Variants in SLC36A4 observed in about 807,000 individuals in gnomAD.
SLC36A4 encodes solute carrier family 36 member 4, also known as neutral amino acid uniporter 4.
In SLC36A4, 49 loss-of-function variants were observed where a neutral mutation model predicts 50.5. The observed-to-expected ratio is 0.97, with a 90% CI of 0.77 to 1.23. The LOEUF is 1.23. SLC36A4 is among the 50% of genes most tolerant of loss of function. SLC36A4 has a pLI of 0.00. For missense variants in SLC36A4, 611 were observed against 608.4 expected, an observed-to-expected ratio of 1.00 and a Z score of -0.05; for synonymous variants, 207 against 206.5, an observed-to-expected ratio of 1.00 and a Z score of -0.02.
chr11:93,193,758 C>G (rs1862307429), intron 1 of SLC36A4, among the ~76,000 whole-genome samples: 1 of 152,108 alleles, frequency 6.6e-6, no homozygotes, highest in African/African-American at 2.4e-5. Context: ...AAGTTGTAGA[C>G]AGAATGTTCT....
intron 9 of SLC36A4, among the ~76,000 whole-genome samples, chr11:93,157,965 G>A (rs1860441494): frequency 6.6e-6 from 1 of 152,136 alleles, no homozygotes; most frequent in Non-Finnish European, 1.5e-5. Context: ...CTATGGCCAA[G>A]CAAGAAGAGA....
intron 3 of SLC36A4, among the ~76,000 whole-genome samples, chr11:93,183,759 G>A (rs889928542): frequency 3.3e-5 from 5 of 151,254 alleles, no homozygotes; most frequent in Non-Finnish European, 4.4e-5. Flanking sequence ...GTGCAGTGGC[G>A]CAATCTCAGC....
At chr11:93,155,660 G>T (rs534203975) in intron 9 of SLC36A4, among the ~76,000 whole-genome samples, 86 of 152,132 alleles carry the variant, frequency 5.7e-4, no homozygotes, top group Non-Finnish European at 9.6e-4. Flanking sequence ...TTGTTGTACA[G>T]ATTATTTCAT....
intron 9 of SLC36A4, among the ~76,000 whole-genome samples, chr11:93,158,531 G>T (rs1371679064): frequency 6.6e-6 from 1 of 151,728 alleles, no homozygotes; most frequent in Non-Finnish European, 1.5e-5. Context: ...TCTTTTAGAA[G>T]TTGGTATATC....
chr11:93,180,575 G>GA (rs1451702879), intron 6 of SLC36A4, among the ~76,000 whole-genome samples: 1 of 151,874 alleles, frequency 6.6e-6, no homozygotes, highest in Non-Finnish European at 1.5e-5. Context: ...ATTCTGATCT[G>GA]AAAAAACAAG....
intron 1 of SLC36A4, among the ~76,000 whole-genome samples, chr11:93,191,403 G>C (rs1862212640): frequency 1.3e-5 from 2 of 152,216 alleles, no homozygotes; most frequent in Non-Finnish European, 1.5e-5. Context: ...GAAGGTAAAT[G>C]TATATGGCAG....
chr11:93,180,412 C>G, intron 6 of SLC36A4: 1 of 755,772 alleles, frequency 1.3e-6, no homozygotes, highest in Non-Finnish European at 1.6e-6. Context: ...ATAATGAATG[C>G]TCACTATTTT....
intron 1 of SLC36A4, among the ~76,000 whole-genome samples, chr11:93,193,945 T>A (rs1862318904): frequency 6.6e-6 from 1 of 152,278 alleles, no homozygotes; most frequent in African/African-American, 2.4e-5. Context: ...TGTACAGCAA[T>A]CAGGAAATTA....
intron 10 of SLC36A4, 31 bp downstream of exon 10, chr11:93,154,077 T>A: frequency 2.0e-6 from 2 of 1,004,506 alleles, no homozygotes; most frequent in Non-Finnish European, 2.8e-6. Context: ...AATAAAAAAT[T>A]ATTATGATAT....
chr11:93,197,527 C>T, intron 1 of SLC36A4: 3 of 546,576 alleles, frequency 5.5e-6, no homozygotes. Flanking sequence ...TCAACACACA[C>T]ACTCACCCAC....
chr11:93,157,121 T>C (rs887656358), intron 9 of SLC36A4, among the ~76,000 whole-genome samples: 2 of 152,162 alleles, frequency 1.3e-5, no homozygotes, highest in Non-Finnish European at 2.9e-5. Context: ...CATTGCTTGT[T>C]TTTGTCAGGT....
chr11:93,172,386 T>C (rs1051932276), intron 6 of SLC36A4, among the ~76,000 whole-genome samples: 2 of 151,750 alleles, frequency 1.3e-5, no homozygotes, highest in Non-Finnish European at 2.9e-5. Flanking sequence ...ATTTGTTGTC[T>C]TTTATCCCTT....
intron 7 of SLC36A4, chr11:93,166,414 C>T: frequency 1.0e-6 from 1 of 991,948 alleles, no homozygotes; most frequent in Non-Finnish European, 1.2e-6. Context: ...ATTCATTCTC[C>T]ACTCTATTTT....
At chr11:93,157,628 T>A (rs1860426773) in intron 9 of SLC36A4, among the ~76,000 whole-genome samples, 1 of 152,198 alleles carries the variant, frequency 6.6e-6, no homozygotes, top group African/African-American at 2.4e-5. Flanking sequence ...GGCAACACAA[T>A]ACCATTCACA....
chr11:93,186,735 C>T (rs979316293), intron 1 of SLC36A4, among the ~76,000 whole-genome samples: 1 of 152,114 alleles, frequency 6.6e-6, no homozygotes, highest in African/African-American at 2.4e-5. Flanking sequence ...AGACATGTAT[C>T]TACAATCAAT....
chr11:93,173,146 T>C (rs202215471), intron 6 of SLC36A4, among the ~76,000 whole-genome samples: 32,046 of 133,632 alleles, frequency 0.24, 2,519 homozygotes, highest in South Asian at 0.42. Context: ...TTCTAACTGG[T>C]GTGAGATGGT....
In SLC36A4 at chr11:93,148,697, T is replaced by G; in HGVS notation, c.1355A>C (p.Lys452Thr). Residue 452 changes from lysine to threonine, a missense_variant, in exon 11 of 11, where the codon AAA becomes ACA. By Grantham distance (78) the Lys-to-Thr change is moderately conservative. Transcript: ENST00000326402. ...TCCAGTGAATGCTATAGAAATATTT[T>G]TCAGGACCATCCATATATTATAATG... ...KEHYNIWMVLKNISIAFTGVV... is the reference protein window; with the variant it reads ...KEHYNIWMVLTNISIAFTGVV... 1.2e-6 allele frequency: 2 copies of G among 1,612,944 alleles called. No homozygotes were observed. Among genetic ancestry groups the G allele is most frequent in the South Asian group, 2.2e-5 (2 of 91,050 alleles).
At chr11:93,184,217 T>C (rs1861875936) in intron 3 of SLC36A4, among the ~76,000 whole-genome samples, 1 of 152,166 alleles carries the variant, frequency 6.6e-6, no homozygotes. Context: ...TGGCTAAATA[T>C]TACAAATAAG....
intron 1 of SLC36A4, among the ~76,000 whole-genome samples, chr11:93,195,487 C>G (rs535373434): frequency 6.6e-6 from 1 of 152,268 alleles, no homozygotes; most frequent in African/African-American, 2.4e-5. Context: ...GAAGGACACC[C>G]ATATCTTTCC....
Sources: gnomAD v4.1 joint callset for allele counts (sites outside exome capture counted in the v4.1 genomes callset) on GRCh38, gnomAD v4.1.1 for gene constraint, MANE v1.5 for transcripts, NCBI Gene and HGNC (gene_info 2026-07-23, HGNC 2026-07-21) for gene names.